EPB41L4A: variants seen among roughly 807,000 people sequenced by gnomAD.
EPB41L4A encodes band 4.1-like protein 4A.
EPB41L4A carries 100 observed loss-of-function variants against 108.6 expected under a neutral mutation model. That is an observed-to-expected ratio of 0.92 (90% CI 0.78 to 1.09). The LOEUF is 1.09. Among genes scored for constraint, EPB41L4A ranks in the 50% least tolerant of loss-of-function variants. The pLI is 0.00. For synonymous variants in EPB41L4A, 319 were observed against 289.0 expected, an observed-to-expected ratio of 1.10 and a Z score of -1.05; for missense variants, 1,030 against 842.7, an observed-to-expected ratio of 1.22 and a Z score of -2.75.
At chr5:112,326,296 AT>A (rs1017522678) in intron 1 of EPB41L4A, among the ~76,000 whole-genome samples, 1 of 152,028 alleles carries the variant, frequency 6.6e-6, no homozygotes, top group African/African-American at 2.4e-5. Context: ...CAAACCCCGC[AT>A]CCAGAAGGAA....
chr5:112,357,869 G>C (rs951308111), intron 1 of EPB41L4A, among the ~76,000 whole-genome samples: 2 of 152,200 alleles, frequency 1.3e-5, no homozygotes, highest in Admixed American at 6.5e-5. Flanking sequence ...TTTGTCCCTT[G>C]TAAATGTACA....
chr5:112,349,495 T>C (rs1757899491), intron 1 of EPB41L4A, among the ~76,000 whole-genome samples: 1 of 152,158 alleles, frequency 6.6e-6, no homozygotes, highest in African/African-American at 2.4e-5. Flanking sequence ...TAAAAGCCTA[T>C]AACAGCTGCT....
intron 1 of EPB41L4A, among the ~76,000 whole-genome samples, chr5:112,353,751 G>T (rs1053483709): frequency 6.6e-6 from 1 of 152,102 alleles, no homozygotes; most frequent in Non-Finnish European, 1.5e-5. Context: ...GAATCCTTGG[G>T]TCCCCAAACA....
intron 4 of EPB41L4A, among the ~76,000 whole-genome samples, chr5:112,273,789 AT>A (rs1402032470): frequency 1.3e-5 from 2 of 152,094 alleles, no homozygotes; most frequent in Non-Finnish European, 2.9e-5. Flanking sequence ...ATATAAGTGT[AT>A]TTTTTTATAC....
chr5:112,175,242 T>C (rs1040022811), intron 18 of EPB41L4A: 39 of 152,244 alleles, frequency 2.6e-4, no homozygotes, highest in African/African-American at 9.4e-4. Context: ...TGTTTACGCT[T>C]TAATACCTCT....
intron 15 of EPB41L4A, among the ~76,000 whole-genome samples, chr5:112,203,360 A>G (rs1762309205): frequency 6.6e-6 from 1 of 152,144 alleles, no homozygotes; most frequent in South Asian, 2.1e-4. Context: ...CATCTCAAAA[A>G]CAAAAACAAA....
intron 11 of EPB41L4A, among the ~76,000 whole-genome samples, chr5:112,238,873 A>C (rs1749559951): frequency 6.6e-6 from 1 of 152,212 alleles, no homozygotes. Context: ...TCTTTTTCAA[A>C]ATATAGAACC....
At chr5:112,319,235 C>T (rs557624858) in intron 1 of EPB41L4A, among the ~76,000 whole-genome samples, 1 of 152,052 alleles carries the variant, frequency 6.6e-6, no homozygotes, top group Non-Finnish European at 1.5e-5. Context: ...ACAGGACTCT[C>T]GCTAATCAAA....
At chr5:112,167,808 C>A (rs1485688110) in intron 22 of EPB41L4A, among the ~76,000 whole-genome samples, 2 of 152,142 alleles carry the variant, frequency 1.3e-5, no homozygotes, top group Non-Finnish European at 2.9e-5. Context: ...GGAACCTAAC[C>A]TAAATTAGCA....
intron 17 of EPB41L4A, among the ~76,000 whole-genome samples, chr5:112,193,104 C>T (rs1263326783): frequency 6.6e-6 from 1 of 152,134 alleles, no homozygotes; most frequent in African/African-American, 2.4e-5. Context: ...AGTGTAATTC[C>T]AGCCTCAGAA....
chr5:112,258,143 T>C (rs1486103572), intron 9 of EPB41L4A, among the ~76,000 whole-genome samples: 5 of 152,242 alleles, frequency 3.3e-5, no homozygotes, highest in African/African-American at 7.2e-5. Context: ...GCATGCCATA[T>C]AGTTCAGGAT....
At chr5:112,409,325 G>C (rs1344761676) in intron 1 of EPB41L4A, among the ~76,000 whole-genome samples, 1 of 152,150 alleles carries the variant, frequency 6.6e-6, no homozygotes, top group Non-Finnish European at 1.5e-5. Context: ...AGTGGTGGGG[G>C]CAGGGGATGG....
At chr5:112,348,117 T>A (rs1232099791) in intron 1 of EPB41L4A, among the ~76,000 whole-genome samples, 1 of 152,146 alleles carries the variant, frequency 6.6e-6, no homozygotes, top group African/African-American at 2.4e-5. Context: ...CCCTACCTAT[T>A]ACACTTTTCT....
chr5:112,336,584 T>C (rs776032683), intron 1 of EPB41L4A, among the ~76,000 whole-genome samples: 12 of 152,172 alleles, frequency 7.9e-5, no homozygotes, highest in Non-Finnish European at 1.3e-4. Flanking sequence ...GGTCCCCTTG[T>C]GATTGGGTGG....
At position 112,145,048 on chromosome 5, in the gene EPB41L4A, G is replaced by C. The variant is rs1358138972; in HGVS notation, n.1112+833C>G. On this transcript the variant is annotated intron_variant and non_coding_transcript_variant, in intron 13 of 13. Transcript: ENST00000507810. Reference sequence around the variant, plus strand: ...CTCATGCTTGTAATCCCGGCACTTTGGGAGGCCGAGGTGGGCGTATCACTT... The same window carrying C: ...CTCATGCTTGTAATCCCGGCACTTTCGGAGGCCGAGGTGGGCGTATCACTT... Among the ~76,000 whole-genome samples the C allele has an allele frequency of 4.6e-5, 7 of 152,346 alleles. No homozygotes were observed. In the East Asian group the frequency reaches 1.4e-3, roughly 29 times the overall value.
chr5:112,195,747 T>C, intron 15 of EPB41L4A, 39 bp from the exon 16 acceptor site: 2 of 1,576,136 alleles, frequency 1.3e-6, no homozygotes, highest in South Asian at 2.2e-5. Flanking sequence ...AAACAGGAGA[T>C]TATCAATTGG....
At chr5:112,157,502 C>T (rs1311802521) in intron 12 of EPB41L4A, among the ~76,000 whole-genome samples, 2 of 152,210 alleles carry the variant, frequency 1.3e-5, no homozygotes, top group African/African-American at 4.8e-5. Context: ...TCTCACAGCT[C>T]TGTAGGACAG....
At chr5:112,403,721 G>A (rs548294311) in intron 1 of EPB41L4A, among the ~76,000 whole-genome samples, 5 of 152,146 alleles carry the variant, frequency 3.3e-5, no homozygotes, top group Non-Finnish European at 7.4e-5. Context: ...TCCCACCTCG[G>A]CCTCCCAAAG....
At chr5:112,336,956 A>AGT (rs752275649) in intron 1 of EPB41L4A, among the ~76,000 whole-genome samples, 16 of 152,190 alleles carry the variant, frequency 1.1e-4, no homozygotes, top group Non-Finnish European at 2.2e-4. Flanking sequence ...TCATAAGACA[A>AGT]CAAATACAAC....
Sources: allele counts gnomAD v4.1 joint callset (sites outside exome capture counted in the v4.1 genomes callset), GRCh38; gene constraint gnomAD v4.1.1; transcripts MANE v1.5; gene names NCBI Gene and HGNC (gene_info 2026-07-23, HGNC 2026-07-21).